Variants in DMBT1 observed in about 807,000 individuals in gnomAD.
DMBT1 encodes the protein deleted in malignant brain tumors 1.
DMBT1 carries 198 observed loss-of-function variants against 252.9 expected under a neutral mutation model. The ratio of observed to expected loss-of-function variants is 0.78; its 90% CI spans 0.70 to 0.88. The LOEUF (loss-of-function observed/expected upper bound fraction) is 0.88, where lower values mean the gene tolerates loss of function less well. Among genes scored for constraint, DMBT1 ranks in the 40% least tolerant of loss-of-function variants. DMBT1 has a pLI of 0.00. For missense variants in DMBT1, 2,432 were observed against 2,404.7 expected, an observed-to-expected ratio of 1.01 and a Z score of -0.24; for synonymous variants, 990 against 942.7, an observed-to-expected ratio of 1.05 and a Z score of -0.92.
At chr10:122,619,251 G>A in intron 41 of DMBT1, 57 bp from the exon 42 acceptor site, 2 of 1,611,646 alleles carry the variant, frequency 1.2e-6, no homozygotes, top group African/African-American at 1.3e-5. Context: ...CTTTGTTCCA[G>A]TTTTGCCATT....
chr10:122,578,760 G>A lies in DMBT1; in HGVS notation c.679+1G>A, dbSNP rs2097736015. On this transcript the variant is annotated splice_donor_variant, in intron 9 of 55. Coordinates refer to ENST00000338354, the MANE Select transcript of DMBT1 (RefSeq NM_001377530.1). LOFTEE classifies it high-confidence loss of function. ...ATATCACCACCTGTACCCACAGAAG[G>A]TAAAGAATCCTCTCAACACTCCCTG... is the stretch of plus-strand genomic sequence containing the variant. The A allele has an allele frequency of 6.2e-7, 1 of 1,607,008 alleles. No individual in the cohort carries two copies. The highest frequency in any genetic ancestry group is 8.5e-7 in the Non-Finnish European group (1 of 1,176,272).
intron 7 of DMBT1, 140 bp downstream of exon 7, chr10:122,576,862 AT>A: frequency 1.9e-6 from 2 of 1,047,318 alleles, no homozygotes; most frequent in Non-Finnish European, 2.8e-6. Context: ...CCCCATCTCT[AT>A]TAAAAAAAGA....
At chr10:122,574,647 C>T (rs928642106) in intron 6 of DMBT1, among the ~76,000 whole-genome samples, 3 of 152,156 alleles carry the variant, frequency 2.0e-5, no homozygotes, top group Non-Finnish European at 1.5e-5. Context: ...CGCAAGATTC[C>T]CACATTTTCT....
In DMBT1 at chr10:122,589,122, T is replaced by A; in HGVS notation, c.1962T>A (p.Asn654Lys). ...GCTGGGCCACGTCAGCCCCAGGAAA[T>A]GCCCGGTTTGGTCAGGGCTCAGGAC... ...GCGWATSAPG[N>K]ARFGQGSGPI... The change falls in exon 17 of 56, where the codon AAT becomes AAA. Residue 654 changes from asparagine to lysine, a missense_variant. Around this residue, in one of 3 missense-constraint regions of DMBT1, gnomAD observed 1,264 missense variants for 1,082.2 expected, o/e 1.17. Coordinates refer to ENST00000338354, the MANE Select transcript of DMBT1 (RefSeq NM_001377530.1). 6.3e-7 allele frequency: 1 copy of A among 1,588,586 alleles called. No homozygotes were observed. Among genetic ancestry groups the A allele is most frequent in the South Asian group, 1.2e-5 (1 of 86,908 alleles).
intron 17 of DMBT1, among the ~76,000 whole-genome samples, chr10:122,590,080 G>A (rs1193741565): frequency 6.7e-6 from 1 of 148,584 alleles, no homozygotes; most frequent in Non-Finnish European, 1.5e-5. Flanking sequence ...CAGAACCAAA[G>A]GCTTATGCTG....
intron 52 of DMBT1, among the ~76,000 whole-genome samples, chr10:122,634,340 TTTTC>T (rs776949913): frequency 0.095 from 9,450 of 99,882 alleles, 653 homozygotes; most frequent in Non-Finnish European, 0.1. Context: ...CTAAAAGCAC[TTTTC>T]TTTCTTTCTT....
chr10:122,599,707 C>A (rs1591410076), intron 26 of DMBT1, among the ~76,000 whole-genome samples: 1 of 152,212 alleles, frequency 6.6e-6, no homozygotes. Context: ...ATGGCCTTGT[C>A]ATTGCCTGTG....
chr10:122,576,546 G>A lies in DMBT1; in HGVS notation c.431G>A (p.Gly144Asp). ...NDANVVCRQLGCGWAMSAPGN... is the reference protein window; with the variant it reads ...NDANVVCRQLDCGWAMSAPGN... ...GCCAACGTGGTCTGTAGGCAGCTGG[G>A]TTGTGGCTGGGCCATGTCAGCTCCA... is the stretch of plus-strand genomic sequence containing the variant. Residue 144 changes from glycine (G) to aspartate (D), a missense_variant, in exon 7 of 56, where the codon GGT (glycine) becomes GAT (aspartate). Transcript: ENST00000338354. 6.2e-7 allele frequency: 1 copy of A among 1,613,994 alleles called. No individual in the cohort carries two copies. Among genetic ancestry groups the A allele is most frequent in the Non-Finnish European group, 8.5e-7 (1 of 1,179,878 alleles).
At chr10:122,566,095 C>A in intron 2 of DMBT1, 99 bp downstream of exon 2, 4 of 1,296,270 alleles carry the variant, frequency 3.1e-6, no homozygotes, top group Non-Finnish European at 4.5e-6. Context: ...GGTCACAGAG[C>A]AAACGCCTGC....
chr10:122,642,532 A>G (rs1228901362), intron 55 of DMBT1, among the ~76,000 whole-genome samples: 1 of 151,970 alleles, frequency 6.6e-6, no homozygotes, highest in Non-Finnish European at 1.5e-5. Context: ...GGGAATGAGG[A>G]GGGGGTTTAT....
intron 46 of DMBT1, among the ~76,000 whole-genome samples, chr10:122,628,326 A>T (rs546352917): frequency 1.5e-3 from 224 of 152,328 alleles, no homozygotes; most frequent in Middle Eastern, 3.4e-3. Context: ...GTGGAGTATT[A>T]TTTGGCAATA....
rs2133547615 is a variant in DMBT1, at chr10:122,577,825, T to G, written c.622T>G (p.Ser208Ala). ...TTTTCTCACAGCTGCCCAGCCTCAG[T>G]CAACACTCAGGCCAGGTGAGTCCCC... is the stretch of plus-strand genomic sequence containing the variant. ...GVICSAAQPQ[S>A]TLRPESWPVR... Residue 208 changes from serine (S) to alanine (A), a missense_variant, in exon 8 of 56, where the codon TCA becomes GCA. Physicochemically the swap from Ser to Ala is moderately conservative, Grantham distance 99 (BLOSUM62 1). Transcript: ENST00000338354. 1 of 1,613,780 alleles carries G rather than the reference T, an allele frequency of 6.2e-7. No individual in the cohort carries two copies.
intron 14 of DMBT1, among the ~76,000 whole-genome samples, chr10:122,584,801 C>T (rs367658128): frequency 6.8e-6 from 1 of 147,796 alleles, no homozygotes; most frequent in East Asian, 2.1e-4. Context: ...CCTTCCAACA[C>T]CCAGATTCTG....
In DMBT1 at chr10:122,631,866, T is replaced by C. The variant is rs1470481342; in HGVS notation, c.6358T>C (p.Ser2120Pro). The change falls in exon 50 of 56, where the codon TCG becomes CCG. Residue 2120 changes from serine to proline, a missense_variant. This residue lies in a region of DMBT1 where 1,162 missense variants were observed against 1,169.0 expected (regional missense o/e 0.99). Coordinates refer to ENST00000338354, the MANE Select transcript of DMBT1 (RefSeq NM_001377530.1). ...TATTCCTTTTTCAGGAAACCATCTA[T>C]CGACACCTGGTAAGTCCCTCCGATT... ...AGVICSGNHL[S>P]TPAPFLNITR... 10 of 1,613,800 alleles carry C rather than the reference T, an allele frequency of 6.2e-6. No individual in the cohort carries two copies. The highest frequency in any genetic ancestry group is 8.5e-6 in the Non-Finnish European group (10 of 1,179,860).
At chr10:122,580,222 G>A (rs577720180) in intron 10 of DMBT1, among the ~76,000 whole-genome samples, 85 of 152,310 alleles carry the variant, frequency 5.6e-4, no homozygotes, top group African/African-American at 2.0e-3. Context: ...TATAATGGAT[G>A]CAGCACAGAC....
intron 17 of DMBT1, among the ~76,000 whole-genome samples, chr10:122,589,637 G>A (rs1438112147): frequency 6.7e-6 from 1 of 148,496 alleles, no homozygotes; most frequent in African/African-American, 2.4e-5. Context: ...GGCTGCATAG[G>A]AGCGTGGTAT....
intron 52 of DMBT1, among the ~76,000 whole-genome samples, chr10:122,635,204 G>A (rs28620687): frequency 0.096 from 14,534 of 152,174 alleles, 761 homozygotes; most frequent in South Asian, 0.19. Context: ...GCCCTCTTCA[G>A]TGTGCATGGA....
chr10:122,639,906 C>A, intron 54 of DMBT1, 134 bp from the exon 55 acceptor site: 1 of 1,063,250 alleles, frequency 9.4e-7, no homozygotes, highest in Non-Finnish European at 1.3e-6. Flanking sequence ...CGTGCCATGG[C>A]CATCTCTGAG....
chr10:122,576,380 ATTC>A lies in DMBT1; in HGVS notation c.284-17_284-15del. 1 of 1,611,886 alleles carries A rather than the reference ATTC, an allele frequency of 6.2e-7. No homozygotes were observed. The highest frequency in any genetic ancestry group is 8.5e-7 in the Non-Finnish European group (1 of 1,178,722). Reference sequence around the variant, plus strand: ...GCCTCAGTAGGAATGTGCAAGAGAAATTCTGTGCCTTCCTCTAGGATCTGATTC... The same window carrying A: ...GCCTCAGTAGGAATGTGCAAGAGAAATGTGCCTTCCTCTAGGATCTGATTC... On this transcript the variant is annotated splice_polypyrimidine_tract_variant and intron_variant, in intron 6 of 55. Transcript: ENST00000338354.
Sources: allele counts gnomAD v4.1 joint callset (sites outside exome capture counted in the v4.1 genomes callset), GRCh38; gene constraint gnomAD v4.1.1; regional missense constraint gnomAD v4.1.1; transcripts MANE v1.5; gene names NCBI Gene and HGNC (gene_info 2026-07-23, HGNC 2026-07-21).